DNAJB12: variants seen among roughly 807,000 people sequenced by gnomAD.
DNAJB12 encodes dnaJ homolog subfamily B member 12.
In DNAJB12, 14 loss-of-function variants were observed where a neutral mutation model predicts 40.6. That is an observed-to-expected ratio of 0.34 (90% CI 0.23 to 0.54). The LOEUF is 0.54. Among genes scored for constraint, DNAJB12 ranks in the 20% least tolerant of loss-of-function variants. The pLI, the probability that DNAJB12 is intolerant of heterozygous loss-of-function variation, is 0.92. For missense variants in DNAJB12, 444 were observed against 501.7 expected (o/e 0.89, Z 1.10); for synonymous variants, 181 against 199.5 (o/e 0.91, Z 0.78).
intron 1 of DNAJB12, 32 bp from the exon 2 acceptor site, chr10:72,345,159 C>T: frequency 1.3e-6 from 2 of 1,568,370 alleles, no homozygotes; most frequent in Non-Finnish European, 1.7e-6. Context: ...TTCAGAGCTC[C>T]TGCTCAAGCA....
At chr10:72,340,355 A>AT (rs397755938) in intron 5 of DNAJB12, among the ~76,000 whole-genome samples, 1 of 152,158 alleles carries the variant, frequency 6.6e-6, no homozygotes, top group Non-Finnish European at 1.5e-5. Context: ...TTAAAAAAAA[A>AT]GAAATTTCTC....
At chr10:72,353,399 A>G (rs1215749068) in intron 1 of DNAJB12, 1 of 152,324 alleles carries the variant, frequency 6.6e-6, no homozygotes, top group Non-Finnish European at 1.5e-5. Context: ...CAAACAGGCC[A>G]AAGATCAACC....
Position 72,345,946 on chromosome 10 carries a change from A to G in DNAJB12, c.134-819T>C, listed in dbSNP as rs369953847. Among the ~76,000 whole-genome samples, 2 of 151,952 alleles carry G rather than the reference A, an allele frequency of 1.3e-5. 1 individual carries two copies. Among genetic ancestry groups the G allele is most frequent in the South Asian group, 4.1e-4 (2 of 4,826 alleles). On this transcript the variant is annotated intron_variant, in intron 1 of 8. Coordinates refer to ENST00000444643, the MANE Select transcript of DNAJB12 (RefSeq NM_017626.7). ...AGGATAGAGGTCTTTTTCGTTTTACATGAACAAAATTAATTTTGTTAATAA... is the reference window on the plus strand; with the variant it reads ...AGGATAGAGGTCTTTTTCGTTTTACGTGAACAAAATTAATTTTGTTAATAA...
In DNAJB12 at chr10:72,334,585, A is replaced by G; in HGVS notation, c.*63T>C. 3 of 1,533,796 alleles carry G rather than the reference A, an allele frequency of 2.0e-6. No individual in the cohort carries two copies. Among genetic ancestry groups the G allele is most frequent in the South Asian group, 2.4e-5 (2 of 83,664 alleles). Reference sequence around the variant, plus strand: ...ACAGTCCATCACCTTGGCTCAGTGCATGTCACCAAAAATTCTCCAGGGATT... The same window carrying G: ...ACAGTCCATCACCTTGGCTCAGTGCGTGTCACCAAAAATTCTCCAGGGATT... On this transcript the variant is annotated 3_prime_UTR_variant, in exon 9 of 9. Transcript: ENST00000444643.
intron 1 of DNAJB12, among the ~76,000 whole-genome samples, chr10:72,348,219 C>T (rs1861847514): frequency 1.3e-5 from 2 of 152,158 alleles, no homozygotes; most frequent in Non-Finnish European, 2.9e-5. Flanking sequence ...AAGACTCCAT[C>T]TCAAAAAAAC....
chr10:72,338,391 A>T, intron 5 of DNAJB12, 80 bp from the exon 6 acceptor site: 1 of 1,172,312 alleles, frequency 8.5e-7, no homozygotes, highest in Non-Finnish European at 1.3e-6. Flanking sequence ...GCTCCCCTAG[A>T]ATAGTGGAGC....
At chr10:72,336,839 T>C (rs962190452) in intron 6 of DNAJB12, 143 bp from the exon 7 acceptor site, 1 of 621,994 alleles carries the variant, frequency 1.6e-6, no homozygotes, top group Non-Finnish European at 2.7e-6. Context: ...ACCCGCACAC[T>C]CCCTGAAAGG....
Position 72,343,429 on chromosome 10 carries a change from T to C in DNAJB12, c.394A>G (p.Arg132Gly). 1 of 1,614,202 alleles carries C rather than the reference T, an allele frequency of 6.2e-7. No homozygotes were observed. Among genetic ancestry groups the C allele is most frequent in the Non-Finnish European group, 8.5e-7 (1 of 1,180,016 alleles). The change falls in exon 3 of 9, where the codon AGA becomes GGA. Residue 132 changes from arginine (R) to glycine (G), a missense_variant. Transcript: ENST00000444643. ...SDEDLKKAYR[R>G]LALKFHPDKN... ...TCTGGGTGGAATTTGAGGGCCAGTC[T>C]GCGGTAGGCCTTCTTCAGGTCCTCA... is the stretch of plus-strand genomic sequence containing the variant.
chr10:72,340,924 G>A (rs1861617456), intron 4 of DNAJB12, 56 bp from the exon 5 acceptor site: 5 of 1,608,756 alleles, frequency 3.1e-6, no homozygotes, highest in Non-Finnish European at 4.2e-6. Context: ...GGGAGAGGCT[G>A]GCATGCCATT....
intron 6 of DNAJB12, among the ~76,000 whole-genome samples, chr10:72,337,422 C>A (rs1861508409): frequency 6.6e-6 from 1 of 152,200 alleles, no homozygotes; most frequent in South Asian, 2.1e-4. Context: ...AAGATGTGCA[C>A]CCACTGTGTA....
chr10:72,340,147 C>A (rs2131985514), intron 5 of DNAJB12, among the ~76,000 whole-genome samples: 1 of 152,020 alleles, frequency 6.6e-6, no homozygotes, highest in Middle Eastern at 3.4e-3. Flanking sequence ...GAGTTCAAGG[C>A]CAGCCTGGCC....
intron 1 of DNAJB12, among the ~76,000 whole-genome samples, chr10:72,350,242 TA>T (rs1356513205): frequency 7.3e-5 from 11 of 150,646 alleles, no homozygotes; most frequent in Non-Finnish European, 1.3e-4. Flanking sequence ...TCTACGAAAA[TA>T]AAAAAATTAG....
At position 72,341,214 on chromosome 10, in the gene DNAJB12, C is replaced by CG. The variant is rs772316600; in HGVS notation, c.458-45dup. On this transcript the variant is annotated intron_variant, in intron 3 of 8. Transcript: ENST00000444643. ...GGTCAGGCCTGAGGATCCTGGGGTG[C>CG]GGGGGGAGGCTCCCATGGCAGCCGA... 2.6e-6 allele frequency: 4 copies of CG among 1,563,746 alleles called. No homozygotes were observed. The African/African-American group carries it at 4.1e-5, about 16-fold the overall frequency.
rs968752013 is a variant in DNAJB12 at position 72,334,404 on chromosome 10, G to A, written c.*244C>T. On this transcript the variant is annotated 3_prime_UTR_variant, in exon 9 of 9. Coordinates refer to ENST00000444643, the MANE Select transcript of DNAJB12 (RefSeq NM_017626.7). ...AGGAGAGAGGCGATGCGGAGCCTCC[G>A]CCAGCCCTGCGAGGGAGGGAAGCAG... is the stretch of plus-strand genomic sequence containing the variant. 27 of 712,966 alleles carry A rather than the reference G, an allele frequency of 3.8e-5. No homozygotes were observed. The highest frequency in any genetic ancestry group is 1.1e-4 in the Admixed American group (4 of 38,064). The allele number at this position is 712,966 out of a possible 1,614,324, so 44.2% of individuals were successfully genotyped here. A position where few individuals can be genotyped will look rare whatever the true frequency, so the allele number is the denominator to read the frequency against.
chr10:72,335,545 G>C lies in DNAJB12; in HGVS notation c.*30+235C>G. 1 of 1,278,742 alleles carries C rather than the reference G, an allele frequency of 7.8e-7. No homozygotes were observed. Among genetic ancestry groups the C allele is most frequent in the Non-Finnish European group, 1.0e-6 (1 of 1,004,548 alleles). The allele number at this position is 1,278,742 out of a possible 1,614,324, so 79.2% of individuals were successfully genotyped here. On this transcript the variant is annotated intron_variant, in intron 8 of 8. Transcript: ENST00000444643. The surrounding 1 kb of genome is among the most constrained non-coding windows in gnomAD (Gnocchi z 4.4). Reference sequence around the variant, plus strand: ...TTCTGGGGTCCCCCACACCCCTGGAGCCAGGGAGCAGAGCGGAGGAGTGGG... The same window carrying C: ...TTCTGGGGTCCCCCACACCCCTGGACCCAGGGAGCAGAGCGGAGGAGTGGG...
chr10:72,341,640 T>G (rs1390689647), intron 3 of DNAJB12, among the ~76,000 whole-genome samples: 1 of 151,956 alleles, frequency 6.6e-6, no homozygotes, highest in African/African-American at 2.4e-5. Context: ...TCAGCTAATT[T>G]TTTGTATTTT....
At chr10:72,348,612 G>C (rs1205924172) in intron 1 of DNAJB12, among the ~76,000 whole-genome samples, 1 of 152,246 alleles carries the variant, frequency 6.6e-6, no homozygotes, top group Non-Finnish European at 1.5e-5. Context: ...TGGGGCTCCA[G>C]TGGAGCACTG....
intron 1 of DNAJB12, among the ~76,000 whole-genome samples, chr10:72,350,426 A>G (rs1861906047): frequency 6.7e-6 from 1 of 148,310 alleles, no homozygotes; most frequent in Non-Finnish European, 1.5e-5. Flanking sequence ...AAAAAAAAAA[A>G]AGACTGCCCG....
At chr10:72,337,121 G>A (rs1861499726) in intron 6 of DNAJB12, among the ~76,000 whole-genome samples, 2 of 152,190 alleles carry the variant, frequency 1.3e-5, no homozygotes, top group Admixed American at 6.5e-5. Flanking sequence ...ATGACAGGAA[G>A]GGCTCCAGGG....
Sources: allele counts gnomAD v4.1 joint callset (sites outside exome capture counted in the v4.1 genomes callset), GRCh38; gene constraint gnomAD v4.1.1; non-coding constraint Gnocchi (gnomAD v3.1); transcripts MANE v1.5; gene names NCBI Gene and HGNC (gene_info 2026-07-23, HGNC 2026-07-21).